SLC39A11: variants seen among roughly 807,000 people sequenced by gnomAD.
SLC39A11 encodes the protein zinc transporter ZIP11.
In SLC39A11, 33 loss-of-function variants were observed where a neutral mutation model predicts 36.1. The observed-to-expected ratio is 0.91, with a 90% CI of 0.69 to 1.22. The LOEUF (loss-of-function observed/expected upper bound fraction) is 1.22. Among genes scored for constraint, SLC39A11 ranks in the 50% most tolerant of loss-of-function variants. The probability of loss-of-function intolerance (pLI) is 0.00; values close to 1 mark genes in which losing one functional copy is unlikely to be tolerated. For synonymous variants in SLC39A11, 166 were observed against 170.3 expected (o/e 0.97, Z 0.20); for missense variants, 432 against 430.3 (o/e 1.00, Z -0.03).
chr17:72,874,432 C>A (rs1467588944), intron 5 of SLC39A11, among the ~76,000 whole-genome samples: 2 of 152,150 alleles, frequency 1.3e-5, no homozygotes, highest in Non-Finnish European at 2.9e-5. Context: ...AGGATGGATG[C>A]TCTGTGGACA....
At chr17:72,918,622 A>G (rs114779188) in intron 5 of SLC39A11, among the ~76,000 whole-genome samples, 1 of 152,324 alleles carries the variant, frequency 6.6e-6, no homozygotes, top group African/African-American at 2.4e-5. Flanking sequence ...GTCCCTCTCA[A>G]CTGGCCCCAG....
intron 4 of SLC39A11, among the ~76,000 whole-genome samples, chr17:72,993,330 TA>T (rs2089303289): frequency 6.6e-6 from 1 of 152,322 alleles, no homozygotes; most frequent in African/African-American, 2.4e-5. Context: ...TATACCTCAA[TA>T]CAGTTGATTT....
chr17:73,022,956 C>T (rs139659180), intron 4 of SLC39A11, among the ~76,000 whole-genome samples: 1 of 152,174 alleles, frequency 6.6e-6, no homozygotes, highest in Non-Finnish European at 1.5e-5. Flanking sequence ...TGCCAGTGAA[C>T]CCTTCTGAAC....
At position 72,993,237 on chromosome 17, in the gene SLC39A11, A is replaced by G. The variant is rs548172498; in HGVS notation, c.306+38319T>C. Among the ~76,000 whole-genome samples the G allele has an allele frequency of 2.0e-5, 3 of 152,272 alleles. No individual in the cohort carries two copies. The East Asian group carries it at 5.8e-4, about 29-fold the overall frequency. On this transcript the variant is annotated intron_variant, in intron 4 of 9. Transcript: ENST00000255559. Reference sequence around the variant, plus strand: ...AGGGTAGGAAAAAATCTTAAATTTGATTATTGTAAAGATTACACAGGTGTA... The same window carrying G: ...AGGGTAGGAAAAAATCTTAAATTTGGTTATTGTAAAGATTACACAGGTGTA...
chr17:72,868,293 T>A (rs975206216), intron 5 of SLC39A11, among the ~76,000 whole-genome samples: 5 of 152,068 alleles, frequency 3.3e-5, no homozygotes, highest in Non-Finnish European at 7.4e-5. Flanking sequence ...ACTCCCCAAC[T>A]CTGCATGATC....
intron 3 of SLC39A11, among the ~76,000 whole-genome samples, chr17:73,047,068 A>C (rs2059320799): frequency 7.0e-6 from 1 of 142,086 alleles, no homozygotes; most frequent in African/African-American, 2.7e-5. Context: ...TCTGTTGCCC[A>C]GGCTGGAGTG....
intron 4 of SLC39A11, among the ~76,000 whole-genome samples, chr17:72,949,994 C>T (rs1306095551): frequency 1.5e-5 from 2 of 134,328 alleles, no homozygotes; most frequent in Admixed American, 1.5e-4. Flanking sequence ...CACACACACA[C>T]ACCCCTTCTT....
intron 5 of SLC39A11, among the ~76,000 whole-genome samples, chr17:72,918,491 C>T (rs2083456923): frequency 4.6e-5 from 7 of 152,178 alleles, no homozygotes; most frequent in Admixed American, 4.6e-4. Context: ...CTGATTCACA[C>T]CTTGCACCCA....
chr17:72,852,215 A>AAAAAAAAAAAAAC (rs2079379235), intron 5 of SLC39A11, among the ~76,000 whole-genome samples: 1 of 148,204 alleles, frequency 6.7e-6, no homozygotes, highest in Non-Finnish European at 1.5e-5. Flanking sequence ...AAAAAAAAAA[A>AAAAAAAAAAAAAC]AAAAAAAAAA....
At chr17:72,980,774 C>T (rs188699855) in intron 4 of SLC39A11, among the ~76,000 whole-genome samples, 21 of 152,168 alleles carry the variant, frequency 1.4e-4, no homozygotes, top group Admixed American at 5.9e-4. Context: ...CCTGTAATCC[C>T]GACACTTTGG....
At chr17:73,084,437 C>CAAAAA (rs67639617) in intron 3 of SLC39A11, among the ~76,000 whole-genome samples, 5 of 61,662 alleles carry the variant, frequency 8.1e-5, no homozygotes, top group Non-Finnish European at 1.1e-4. Context: ...GGCTCTGTCT[C>CAAAAA]AAAAAAAAAA....
chr17:72,730,251 A>C (rs1162346465), intron 7 of SLC39A11, among the ~76,000 whole-genome samples: 2 of 152,226 alleles, frequency 1.3e-5, no homozygotes, highest in African/African-American at 2.4e-5. Flanking sequence ...TTCGAGGCTT[A>C]TGTTGCTAGG....
At chr17:72,985,540 G>A (rs2088676768) in intron 4 of SLC39A11, among the ~76,000 whole-genome samples, 1 of 149,620 alleles carries the variant, frequency 6.7e-6, no homozygotes, top group Non-Finnish European at 1.5e-5. Flanking sequence ...AGCCTCCCGA[G>A]TAGCTGGGAC....
chr17:72,738,730 G>GT (rs1481905036), intron 6 of SLC39A11, among the ~76,000 whole-genome samples: 2 of 152,208 alleles, frequency 1.3e-5, no homozygotes, highest in Non-Finnish European at 2.9e-5. Flanking sequence ...GGCTTTGGGG[G>GT]TCAAATTCGA....
intron 5 of SLC39A11, among the ~76,000 whole-genome samples, chr17:72,897,691 C>T (rs2082101452): frequency 1.3e-5 from 2 of 152,174 alleles, no homozygotes; most frequent in African/African-American, 2.4e-5. Context: ...TTTTTAGCCT[C>T]TTCCTTTTCT....
intron 4 of SLC39A11, among the ~76,000 whole-genome samples, chr17:73,009,344 G>A (rs1313025318): frequency 1.8e-5 from 2 of 112,558 alleles, no homozygotes; most frequent in African/African-American, 7.0e-5. Flanking sequence ...GACAGAGCGA[G>A]ACTCCATCTC....
chr17:72,720,795 C>T (rs1174619204), intron 7 of SLC39A11, among the ~76,000 whole-genome samples: 1 of 152,126 alleles, frequency 6.6e-6, no homozygotes, highest in Non-Finnish European at 1.5e-5. Flanking sequence ...AGGTCATAGA[C>T]CCAGTTGATG....
intron 7 of SLC39A11, among the ~76,000 whole-genome samples, chr17:72,651,504 C>T (rs561585963): frequency 6.6e-6 from 1 of 152,268 alleles, no homozygotes; most frequent in Admixed American, 6.5e-5. Flanking sequence ...ACAGGAGTAA[C>T]AAAACAGGTG....
At chr17:73,079,398 T>C (rs2060441577) in intron 3 of SLC39A11, among the ~76,000 whole-genome samples, 1 of 152,152 alleles carries the variant, frequency 6.6e-6, no homozygotes, top group Non-Finnish European at 1.5e-5. Context: ...CACCCAGCCA[T>C]ATTATTGATT....
Sources: allele counts gnomAD v4.1 joint callset (sites outside exome capture counted in the v4.1 genomes callset), GRCh38; gene constraint gnomAD v4.1.1; transcripts MANE v1.5; gene names NCBI Gene and HGNC (gene_info 2026-07-23, HGNC 2026-07-21).